The following RPS6KC1 variants were observed in gnomAD, a reference collection of about 807,000 sequenced individuals.
RPS6KC1 encodes the protein ribosomal protein S6 kinase C1.
A neutral mutation model predicts 103.8 loss-of-function variants in RPS6KC1; 54 were observed. The observed-to-expected ratio is 0.52, with a 90% CI of 0.42 to 0.65. The LOEUF (loss-of-function observed/expected upper bound fraction) is 0.65, where lower values mean the gene tolerates loss of function less well. Among genes scored for constraint, RPS6KC1 ranks in the 30% least tolerant of loss-of-function variants. The pLI is 0.00. For synonymous variants in RPS6KC1, 439 were observed against 438.7 expected, an observed-to-expected ratio of 1.00 and a Z score of -0.01; for missense variants, 1,151 against 1,253.8, an observed-to-expected ratio of 0.92 and a Z score of 1.24.
the RPS6KC1 span, among the ~76,000 whole-genome samples, chr1:213,375,965 A>G: frequency 3.3e-5 from 5 of 152,196 alleles, no homozygotes; most frequent in African/African-American, 1.2e-4. Context: ...CTCAGTTCCA[A>G]TTCCAGAATT....
At chr1:213,798,783 G>A in the RPS6KC1 span, among the ~76,000 whole-genome samples, 11 of 152,316 alleles carry the variant, frequency 7.2e-5, no homozygotes, top group South Asian at 4.1e-4. Context: ...CGTGCCTCAC[G>A]TGGGGGCAAT....
rs927585842 is a variant in RPS6KC1 at position 213,241,799 on chromosome 1, A to T, written c.2323A>T (p.Met775Leu). The change falls in exon 11 of 15, where the codon ATG (methionine) becomes TTG (leucine). Residue 775 changes from methionine to leucine, a missense_variant. Coordinates refer to ENST00000366960, the MANE Select transcript of RPS6KC1 (RefSeq NM_012424.6). ...ACACTATGCACAGGAGGATCCCAGG[A>T]TGTTATTTGTAGCAGCTGTTGATCA... ...EKHYAQEDPR[M>L]LFVAAVDHSS... 1.9e-6 allele frequency: 3 copies of T among 1,613,898 alleles called. No individual in the cohort carries two copies. The highest frequency in any genetic ancestry group is 1.7e-6 in the Non-Finnish European group (2 of 1,179,952).
chr1:213,497,043 C>T, the RPS6KC1 span, among the ~76,000 whole-genome samples: 1 of 152,130 alleles, frequency 6.6e-6, no homozygotes, highest in Non-Finnish European at 1.5e-5. Context: ...TATTTCTATG[C>T]ATCATGAACA....
At chr1:213,513,968 T>C in the RPS6KC1 span, among the ~76,000 whole-genome samples, 1 of 152,242 alleles carries the variant, frequency 6.6e-6, no homozygotes, top group African/African-American at 2.4e-5. Context: ...TGTGGTTTTT[T>C]GATTGTTCTC....
chr1:213,412,034 T>C, the RPS6KC1 span, among the ~76,000 whole-genome samples: 1 of 152,224 alleles, frequency 6.6e-6, no homozygotes, highest in Non-Finnish European at 1.5e-5. Flanking sequence ...TGTTCCCACT[T>C]GTTTTCATAG....
At chr1:213,804,163 T>C in the RPS6KC1 span, among the ~76,000 whole-genome samples, 29,421 of 97,156 alleles carry the variant, frequency 0.3, 5,928 homozygotes, top group African/African-American at 0.6. Context: ...AAAAAATCAG[T>C]GGCTAATCTT....
chr1:213,328,660 A>G, the RPS6KC1 span, among the ~76,000 whole-genome samples: 3 of 151,446 alleles, frequency 2.0e-5, no homozygotes, highest in Non-Finnish European at 4.4e-5. Flanking sequence ...GGGGACGAGA[A>G]TAAAAGGGGA....
the RPS6KC1 span, among the ~76,000 whole-genome samples, chr1:213,630,156 G>C: frequency 3.3e-5 from 5 of 152,100 alleles, no homozygotes; most frequent in South Asian, 2.1e-4. Context: ...GGAAGTTCTC[G>C]TGGATAATAT....
chr1:213,700,567 A>G, the RPS6KC1 span, among the ~76,000 whole-genome samples: 253 of 148,832 alleles, frequency 1.7e-3, 1 homozygote, highest in African/African-American at 5.8e-3. Context: ...AAATTTTAGG[A>G]TTTTTTTTTT....
chr1:213,851,070 T>A, the RPS6KC1 span, among the ~76,000 whole-genome samples: 1 of 152,112 alleles, frequency 6.6e-6, no homozygotes, highest in African/African-American at 2.4e-5. Context: ...ATCAATTTCC[T>A]TATTCCATTC....
the RPS6KC1 span, among the ~76,000 whole-genome samples, chr1:213,363,703 C>CTTCTTTCT: frequency 4.0e-4 from 7 of 17,398 alleles, no homozygotes; most frequent in African/African-American, 2.0e-3. Flanking sequence ...TCTTTCTTTC[C>CTTCTTTCT]TTCTTTCTTT....
At chr1:213,091,394 TAAAGGTATTCTTTGATAC>T (rs1007004056) in intron 3 of RPS6KC1, among the ~76,000 whole-genome samples, 1 of 152,164 alleles carries the variant, frequency 6.6e-6, no homozygotes, top group Non-Finnish European at 1.5e-5. Flanking sequence ...TTCAGATAAT[TAAAGGTATTCTTTGATAC>T]ACCAAAACTT....
At chr1:213,691,848 A>T in the RPS6KC1 span, among the ~76,000 whole-genome samples, 1 of 152,196 alleles carries the variant, frequency 6.6e-6, no homozygotes, top group Non-Finnish European at 1.5e-5. Context: ...TTCCGCAAGC[A>T]GGAGGCAGTG....
chr1:213,200,530 C>A lies in RPS6KC1; in HGVS notation c.1044+24038C>A, dbSNP rs574901092. 6.6e-5 allele frequency among the ~76,000 whole-genome samples: 10 copies of A among 152,220 alleles called. No individual in the cohort carries two copies. In the South Asian group the frequency reaches 1.7e-3, roughly 25 times the overall value. ...AATGTAAAATACAAAACTATAAAAA[C>A]CCTTGAAGACAACCTAGGTAATACC... On this transcript the variant is annotated intron_variant, in intron 8 of 14. Coordinates refer to ENST00000366960, the MANE Select transcript of RPS6KC1 (RefSeq NM_012424.6).
the RPS6KC1 span, among the ~76,000 whole-genome samples, chr1:213,506,504 C>G: frequency 6.6e-6 from 1 of 152,204 alleles, no homozygotes; most frequent in African/African-American, 2.4e-5. Context: ...TAACTTTTCA[C>G]TCAGTTACTC....
chr1:213,561,954 G>T, the RPS6KC1 span, among the ~76,000 whole-genome samples: 4 of 152,274 alleles, frequency 2.6e-5, no homozygotes, highest in East Asian at 5.8e-4. Flanking sequence ...TAGGGTCAAG[G>T]TTGCACTTTC....
At chr1:213,451,575 C>T in the RPS6KC1 span, among the ~76,000 whole-genome samples, 3 of 152,198 alleles carry the variant, frequency 2.0e-5, no homozygotes, top group Admixed American at 6.5e-5. Context: ...TCGCGTGGCT[C>T]CTGAGTCTGC....
intron 13 of RPS6KC1, among the ~76,000 whole-genome samples, chr1:213,261,928 CAG>C (rs1477186108): frequency 6.6e-6 from 1 of 152,068 alleles, no homozygotes; most frequent in African/African-American, 2.4e-5. Flanking sequence ...TCAGCTTTAA[CAG>C]GGTCAAATCT....
At chr1:213,122,921 A>G (rs771951490) in intron 5 of RPS6KC1, among the ~76,000 whole-genome samples, 15 of 152,156 alleles carry the variant, frequency 9.9e-5, no homozygotes, top group Non-Finnish European at 2.1e-4. Context: ...TACACATGAC[A>G]CTGATGATAA....
Sources: gnomAD v4.1 joint callset for allele counts (sites outside exome capture counted in the v4.1 genomes callset) on GRCh38, gnomAD v4.1.1 for gene constraint, MANE v1.5 for transcripts, NCBI Gene and HGNC (gene_info 2026-07-23, HGNC 2026-07-21) for gene names.